Variants in SV2C observed in about 807,000 individuals in gnomAD.
The protein encoded by SV2C is synaptic vesicle glycoprotein 2C.
In SV2C, 49 loss-of-function variants were observed where a neutral mutation model predicts 79.7. The ratio of observed to expected loss-of-function variants is 0.61; its 90% CI spans 0.49 to 0.78. SV2C has a LOEUF of 0.78. Ranked by LOEUF, SV2C falls within the 30% of genes least tolerant of loss-of-function variation. SV2C has a pLI of 0.00. For missense variants in SV2C, 833 were observed against 912.9 expected, an observed-to-expected ratio of 0.91 and a Z score of 1.13; for synonymous variants, 334 against 333.2, an observed-to-expected ratio of 1.00 and a Z score of -0.03.
the SV2C span, among the ~76,000 whole-genome samples, chr5:76,062,837 TA>T: frequency 1.3e-5 from 2 of 152,292 alleles, no homozygotes; most frequent in East Asian, 3.9e-4. Context: ...GGGTTGCTTT[TA>T]ATTAAACCCA....
Position 76,132,273 on chromosome 5 carries a change from G to A in SV2C, c.523G>A (p.Val175Met), listed in dbSNP as rs373545330. The change falls in exon 2 of 13, where the codon GTG becomes ATG. Residue 175 changes from valine to methionine, a missense_variant. Coordinates refer to ENST00000502798, the MANE Select transcript of SV2C (RefSeq NM_014979.4). The stretch of plus-strand genomic sequence containing the variant: ...TGTAGAGGTGTTTGTCGTTGGCTTC[G>A]TGTTACCCAGTGCTGAGACAGACCT... ...DGVEVFVVGF[V>M]LPSAETDLCI... 14 of 1,613,910 alleles carry A rather than the reference G, an allele frequency of 8.7e-6. No individual in the cohort carries two copies. Among genetic ancestry groups the A allele is most frequent in the East Asian group, 2.2e-5 (1 of 44,868 alleles).
At chr5:75,908,665 C>A in the SV2C span, among the ~76,000 whole-genome samples, 1 of 152,102 alleles carries the variant, frequency 6.6e-6, no homozygotes. Context: ...CAGAAATGCC[C>A]CCTGCCCTTC....
the SV2C span, among the ~76,000 whole-genome samples, chr5:76,023,870 C>A: frequency 6.6e-6 from 1 of 151,760 alleles, no homozygotes; most frequent in Non-Finnish European, 1.5e-5. Flanking sequence ...TTGGGCCAGA[C>A]AATTCTTTGG....
intron 2 of SV2C, among the ~76,000 whole-genome samples, chr5:76,176,978 G>A (rs951188054): frequency 9.2e-5 from 14 of 151,904 alleles, no homozygotes; most frequent in Admixed American, 4.6e-4. Flanking sequence ...AGCCGAGCAC[G>A]GTGGCGGGCG....
At chr5:75,930,885 G>A in the SV2C span, among the ~76,000 whole-genome samples, 1 of 152,192 alleles carries the variant, frequency 6.6e-6, no homozygotes, top group African/African-American at 2.4e-5. Flanking sequence ...TGTAATTCTA[G>A]CACTTTGGGA....
chr5:76,253,672 G>T (rs1434199360), intron 4 of SV2C, among the ~76,000 whole-genome samples: 1 of 135,400 alleles, frequency 7.4e-6, no homozygotes, highest in Non-Finnish European at 1.5e-5. Flanking sequence ...TTCTGGGACA[G>T]TTCTATTCCC....
chr5:76,276,156 A>G (rs1191198506), intron 4 of SV2C, among the ~76,000 whole-genome samples: 1 of 152,204 alleles, frequency 6.6e-6, no homozygotes, highest in Non-Finnish European at 1.5e-5. Context: ...AAGCCACTTA[A>G]AATGGAGCTC....
At chr5:76,272,192 A>G (rs1047477370) in intron 4 of SV2C, among the ~76,000 whole-genome samples, 1 of 152,186 alleles carries the variant, frequency 6.6e-6, no homozygotes, top group African/African-American at 2.4e-5. Context: ...AACAAAGAGC[A>G]CCTGGGCTGA....
At chr5:76,159,313 C>T (rs1319082990) in intron 2 of SV2C, among the ~76,000 whole-genome samples, 1 of 151,970 alleles carries the variant, frequency 6.6e-6, no homozygotes, top group Non-Finnish European at 1.5e-5. Context: ...TAAAAGACAT[C>T]CCGATTGGCA....
At chr5:76,018,287 T>G in the SV2C span, among the ~76,000 whole-genome samples, 16 of 152,354 alleles carry the variant, frequency 1.1e-4, no homozygotes, top group Middle Eastern at 3.4e-3. Flanking sequence ...ATTTATTTCA[T>G]ATGTCATATT....
At chr5:76,128,881 C>T (rs1234949944) in intron 1 of SV2C, among the ~76,000 whole-genome samples, 1 of 152,152 alleles carries the variant, frequency 6.6e-6, no homozygotes, top group East Asian at 1.9e-4. Context: ...TGTGTAAGCC[C>T]CACCCTTGAG....
At chr5:76,144,617 G>C (rs1363504489) in intron 2 of SV2C, among the ~76,000 whole-genome samples, 1 of 152,146 alleles carries the variant, frequency 6.6e-6, no homozygotes, top group East Asian at 1.9e-4. Flanking sequence ...ATCAACTTTA[G>C]ACAGTGGGGA....
the SV2C span, among the ~76,000 whole-genome samples, chr5:76,055,780 A>G: frequency 3.3e-5 from 5 of 152,232 alleles, no homozygotes; most frequent in South Asian, 6.2e-4. Context: ...GAGTTCATTC[A>G]TGATTTGGCT....
chr5:75,886,295 T>G, the SV2C span, among the ~76,000 whole-genome samples: 8 of 152,280 alleles, frequency 5.3e-5, no homozygotes, highest in Admixed American at 3.9e-4. Context: ...TGTCTCTTTT[T>G]GCTAAGGAAA....
chr5:75,981,042 A>T, the SV2C span, among the ~76,000 whole-genome samples: 1 of 152,204 alleles, frequency 6.6e-6, no homozygotes, highest in African/African-American at 2.4e-5. Context: ...AATGTGCAAA[A>T]ATATCACTAG....
At chr5:75,993,791 G>A in the SV2C span, among the ~76,000 whole-genome samples, 35 of 152,092 alleles carry the variant, frequency 2.3e-4, no homozygotes, top group Non-Finnish European at 4.3e-4. Context: ...TCTTATTCCA[G>A]CTTTTCACGT....
chr5:76,134,085 T>C (rs1173292626), intron 2 of SV2C, among the ~76,000 whole-genome samples: 1 of 152,180 alleles, frequency 6.6e-6, no homozygotes, highest in Non-Finnish European at 1.5e-5. Context: ...GGTTCTCTTA[T>C]CAAACTATCC....
At chr5:76,032,502 GTTTT>G in the SV2C span, among the ~76,000 whole-genome samples, 8 of 152,058 alleles carry the variant, frequency 5.3e-5, no homozygotes, top group Middle Eastern at 3.2e-3. Flanking sequence ...GCGGTGTTGG[GTTTT>G]TTGTTCTTGC....
At chr5:76,135,280 G>A (rs1749028423) in intron 2 of SV2C, among the ~76,000 whole-genome samples, 2 of 152,192 alleles carry the variant, frequency 1.3e-5, no homozygotes, top group Admixed American at 1.3e-4. Flanking sequence ...GAGGTCCTTG[G>A]GGACAATCAA....
Sources: allele counts gnomAD v4.1 joint callset (sites outside exome capture counted in the v4.1 genomes callset), GRCh38; gene constraint gnomAD v4.1.1; transcripts MANE v1.5; gene names NCBI Gene and HGNC (gene_info 2026-07-23, HGNC 2026-07-21).